The following XKR4 variants were observed in gnomAD, a reference collection of about 807,000 sequenced individuals.
The protein encoded by XKR4 is XK-related protein 4.
In XKR4, 12 loss-of-function variants were observed where a neutral mutation model predicts 53.9. The ratio of observed to expected loss-of-function variants is 0.22; its 90% CI spans 0.14 to 0.36. The LOEUF (loss-of-function observed/expected upper bound fraction) is 0.36, where lower values mean the gene tolerates loss of function less well. XKR4 is among the 10% of genes least tolerant of loss of function. The probability of loss-of-function intolerance (pLI) is 1.00; values close to 1 mark genes in which losing one functional copy is unlikely to be tolerated. For synonymous variants in XKR4, 354 were observed against 362.4 expected (o/e 0.98, Z 0.26); for missense variants, 799 against 859.5 (o/e 0.93, Z 0.88).
chr8:55,278,795 G>A (rs1241672134), intron 1 of XKR4, among the ~76,000 whole-genome samples: 6 of 152,108 alleles, frequency 3.9e-5, no homozygotes. Context: ...CTTCTTTCCT[G>A]TTATAGCTAC....
chr8:55,453,695 C>T (rs1301261696), intron 2 of XKR4: 2 of 399,484 alleles, frequency 5.0e-6, no homozygotes, highest in African/African-American at 2.1e-5. Flanking sequence ...TCTCAGGTGG[C>T]TGCTGTCACC....
At chr8:55,297,880 C>T (rs1395555927) in intron 1 of XKR4, among the ~76,000 whole-genome samples, 1 of 152,136 alleles carries the variant, frequency 6.6e-6, no homozygotes, top group African/African-American at 2.4e-5. Context: ...AACCAACTTA[C>T]ACATATTTAC....
chr8:55,339,915 C>T lies in XKR4; in HGVS notation c.807-17763C>T, dbSNP rs80103061. On this transcript the variant is annotated intron_variant, in intron 1 of 2. Coordinates refer to ENST00000327381, the MANE Select transcript of XKR4 (RefSeq NM_052898.2). ...CTATTCCCTAAATAAAGCATGAAAT[C>T]GGTTGGATTTTCCTCTATGACCTGA... Among the ~76,000 whole-genome samples the T allele has an allele frequency of 8.8e-3, 1,335 of 152,140 alleles. 24 individuals carry two copies. The highest frequency in any genetic ancestry group is 0.03 in the African/African-American group (1,225 of 41,514).
At chr8:55,106,489 G>A (rs1816148826) in intron 1 of XKR4, among the ~76,000 whole-genome samples, 1 of 152,156 alleles carries the variant, frequency 6.6e-6, no homozygotes, top group Non-Finnish European at 1.5e-5. Flanking sequence ...AACTGTGCCT[G>A]TGAATGAATG....
intron 2 of XKR4, among the ~76,000 whole-genome samples, chr8:55,472,609 G>A (rs1000204210): frequency 2.0e-5 from 3 of 152,068 alleles, no homozygotes; most frequent in African/African-American, 7.3e-5. Context: ...AGAGAGGGAT[G>A]GGGTCCTGCA....
intron 2 of XKR4, among the ~76,000 whole-genome samples, chr8:55,456,968 T>C (rs1322415636): frequency 6.6e-6 from 1 of 151,814 alleles, no homozygotes; most frequent in Non-Finnish European, 1.5e-5. Flanking sequence ...AATTCACACC[T>C]AGACACATCA....
intron 2 of XKR4, chr8:55,453,683 C>G: frequency 4.9e-6 from 2 of 407,678 alleles, no homozygotes; most frequent in South Asian, 4.0e-5. Flanking sequence ...CCGGGGCGCC[C>G]ATCTCAGGTG....
chr8:55,124,519 G>T (rs572930058), intron 1 of XKR4, among the ~76,000 whole-genome samples: 1 of 152,128 alleles, frequency 6.6e-6, no homozygotes, highest in Non-Finnish European at 1.5e-5. Flanking sequence ...CATTCAGTTG[G>T]TGTCATTTTT....
chr8:55,455,012 TG>T, intron 2 of XKR4: 1 of 775,584 alleles, frequency 1.3e-6, no homozygotes. Flanking sequence ...GCAAAACAGC[TG>T]GGGGAATGGG....
intron 2 of XKR4, among the ~76,000 whole-genome samples, chr8:55,434,553 G>C (rs1329627750): frequency 2.6e-5 from 4 of 152,040 alleles, no homozygotes; most frequent in African/African-American, 9.7e-5. Context: ...TGGTGATATG[G>C]AGACAAAAGC....
In XKR4 at chr8:55,129,553, C is replaced by G. The variant is rs16921188; in HGVS notation, c.806+26259C>G. On this transcript the variant is annotated intron_variant, in intron 1 of 2. Transcript: ENST00000327381. ...AGTAACATGGAAACCCAAGTAAGAGCCATTTTGCTGAAGTGTGGTGGCAGA... is the reference window on the plus strand; with the variant it reads ...AGTAACATGGAAACCCAAGTAAGAGGCATTTTGCTGAAGTGTGGTGGCAGA... 1.0e-2 allele frequency among the ~76,000 whole-genome samples: 1,517 copies of G among 152,020 alleles called. 21 individuals carry two copies. Among genetic ancestry groups the G allele is most frequent in the African/African-American group, 0.035 (1,444 of 41,468 alleles).
At chr8:55,283,773 A>G (rs1337397626) in intron 1 of XKR4, among the ~76,000 whole-genome samples, 1 of 152,238 alleles carries the variant, frequency 6.6e-6, no homozygotes, top group Non-Finnish European at 1.5e-5. Flanking sequence ...TAGTTTCATC[A>G]GATGCTCTCC....
chr8:55,375,889 C>T (rs1288812282), intron 2 of XKR4, among the ~76,000 whole-genome samples: 1 of 152,102 alleles, frequency 6.6e-6, no homozygotes, highest in Non-Finnish European at 1.5e-5. Flanking sequence ...CCCACACCCT[C>T]CCCTAACAGG....
intron 2 of XKR4, among the ~76,000 whole-genome samples, chr8:55,489,034 G>A (rs766116367): frequency 6.6e-6 from 1 of 152,084 alleles, no homozygotes; most frequent in Non-Finnish European, 1.5e-5. Context: ...TCTCAGAGCA[G>A]TAAAACCACT....
intron 1 of XKR4, among the ~76,000 whole-genome samples, chr8:55,196,643 G>A (rs1052173649): frequency 6.1e-4 from 93 of 152,306 alleles, no homozygotes; most frequent in Middle Eastern, 3.4e-3. Flanking sequence ...CTTAAATAAT[G>A]TTAAGTGCTG....
chr8:55,179,318 G>T (rs1172294065), intron 1 of XKR4, among the ~76,000 whole-genome samples: 1 of 152,088 alleles, frequency 6.6e-6, no homozygotes, highest in South Asian at 2.1e-4. Context: ...CACTCATCCT[G>T]CATTGAGTGA....
At chr8:55,202,212 C>T (rs953087733) in intron 1 of XKR4, among the ~76,000 whole-genome samples, 11 of 152,288 alleles carry the variant, frequency 7.2e-5, no homozygotes, top group African/African-American at 2.4e-4. Context: ...AATACATCAT[C>T]AGTCGGGGGT....
chr8:55,337,518 G>A (rs1803479228), intron 1 of XKR4, among the ~76,000 whole-genome samples: 1 of 152,048 alleles, frequency 6.6e-6, no homozygotes, highest in Non-Finnish European at 1.5e-5. Flanking sequence ...TCTCTTCCTT[G>A]TTGCCAGTTT....
intron 2 of XKR4, among the ~76,000 whole-genome samples, chr8:55,504,950 C>G (rs2658940): frequency 0.51 from 77,872 of 151,496 alleles, 22,136 homozygotes; most frequent in Non-Finnish European, 0.63. Context: ...CTTTTTTTTT[C>G]TTAATCTAGC....
Sources: gnomAD v4.1 joint callset for allele counts (sites outside exome capture counted in the v4.1 genomes callset) on GRCh38, gnomAD v4.1.1 for gene constraint, MANE v1.5 for transcripts, NCBI Gene and HGNC (gene_info 2026-07-23, HGNC 2026-07-21) for gene names.